Variants in MYO1D observed in about 807,000 individuals in gnomAD.
MYO1D encodes myosin ID.
A neutral mutation model predicts 122.0 loss-of-function variants in MYO1D; 83 were observed. That is an observed-to-expected ratio of 0.68 (90% CI 0.57 to 0.82). The LOEUF (loss-of-function observed/expected upper bound fraction) is 0.82. Among genes scored for constraint, MYO1D ranks in the 40% least tolerant of loss-of-function variants. The pLI, the probability that MYO1D is intolerant of heterozygous loss-of-function variation, is 0.00. For synonymous variants in MYO1D, 464 were observed against 446.9 expected, an observed-to-expected ratio of 1.04 and a Z score of -0.48; for missense variants, 1,157 against 1,269.5, an observed-to-expected ratio of 0.91 and a Z score of 1.35.
At chr17:32,780,070 T>C (rs1463487293) in intron 2 of MYO1D, among the ~76,000 whole-genome samples, 1 of 152,084 alleles carries the variant, frequency 6.6e-6, no homozygotes, top group African/African-American at 2.4e-5. Flanking sequence ...GTGAGGTGTG[T>C]ACCCTATCTC....
chr17:32,821,442 C>T (rs905526685), intron 1 of MYO1D, among the ~76,000 whole-genome samples: 20 of 151,876 alleles, frequency 1.3e-4, no homozygotes, highest in Non-Finnish European at 2.9e-4. Flanking sequence ...TTAGGAATTA[C>T]AAATAAGGAT....
intron 16 of MYO1D, among the ~76,000 whole-genome samples, chr17:32,663,139 G>A (rs1459453895): frequency 2.6e-5 from 4 of 151,988 alleles, no homozygotes; most frequent in Admixed American, 6.5e-5. Flanking sequence ...GGATGGTCTC[G>A]ATCTCCTGAC....
intron 4 of MYO1D, among the ~76,000 whole-genome samples, chr17:32,775,236 G>A (rs2090160803): frequency 6.6e-6 from 1 of 152,152 alleles, no homozygotes; most frequent in Admixed American, 6.5e-5. Context: ...GGGGGGTTGA[G>A]GCTGCAGTGA....
chr17:32,542,364 CAT>C (rs1910860468), intron 21 of MYO1D, among the ~76,000 whole-genome samples: 1 of 152,218 alleles, frequency 6.6e-6, no homozygotes, highest in African/African-American at 2.4e-5. Flanking sequence ...ATCTTAAATG[CAT>C]ATGTGTGCAG....
chr17:32,500,902 G>A (rs1005037395), intron 21 of MYO1D, among the ~76,000 whole-genome samples: 15 of 152,002 alleles, frequency 9.9e-5, no homozygotes, highest in Middle Eastern at 3.2e-3. Flanking sequence ...CCAGCTACTC[G>A]GGAGGCTGAG....
At chr17:32,674,426 A>C (rs2088774008) in intron 16 of MYO1D, among the ~76,000 whole-genome samples, 1 of 152,200 alleles carries the variant, frequency 6.6e-6, no homozygotes, top group South Asian at 2.1e-4. Context: ...TTTGATTTTC[A>C]TCTGATGACT....
intron 1 of MYO1D, among the ~76,000 whole-genome samples, chr17:32,823,696 A>C (rs1351438343): frequency 6.6e-6 from 1 of 152,186 alleles, no homozygotes; most frequent in African/African-American, 2.4e-5. Flanking sequence ...GAAAAAACCT[A>C]ATTTTAGATG....
At chr17:32,763,658 G>A (rs561240484) in intron 8 of MYO1D, among the ~76,000 whole-genome samples, 2 of 152,234 alleles carry the variant, frequency 1.3e-5, no homozygotes, top group Admixed American at 6.5e-5. Flanking sequence ...GGTGGCTCAC[G>A]CCTGTAATCC....
chr17:32,640,946 A>T (rs2088190616), intron 19 of MYO1D, among the ~76,000 whole-genome samples: 1 of 151,800 alleles, frequency 6.6e-6, no homozygotes, highest in South Asian at 2.1e-4. Flanking sequence ...ATAGATTTTT[A>T]AAATTATACT....
intron 1 of MYO1D, among the ~76,000 whole-genome samples, chr17:32,809,600 G>A (rs760187830): frequency 5.3e-5 from 8 of 151,904 alleles, no homozygotes; most frequent in Non-Finnish European, 1.0e-4. Context: ...CACTATGCCT[G>A]GCTGATTTTT....
At position 32,494,907 on chromosome 17, in the gene MYO1D, C is replaced by T. The variant is rs750988061; in HGVS notation, c.2873G>A (p.Arg958His). ...VLVNHFKSEK[R>H]HLQVNVTNPV... ...GTTGGTGACGTTCACTTGAAGGTGG[C>T]GCTTCTCACTGCAGGAACCAAAAAC... The change falls in exon 22 of 22, where the codon CGC becomes CAC. Residue 958 changes from arginine to histidine, a missense_variant. Coordinates refer to ENST00000318217, the MANE Select transcript of MYO1D (RefSeq NM_015194.3). 3.8e-6 allele frequency: 6 copies of T among 1,598,454 alleles called. No homozygotes were observed. The highest frequency in any genetic ancestry group is 2.3e-5 in the East Asian group (1 of 43,956).
At chr17:32,773,329 T>C (rs2090138882) in intron 4 of MYO1D, among the ~76,000 whole-genome samples, 2 of 152,194 alleles carry the variant, frequency 1.3e-5, no homozygotes, top group Non-Finnish European at 2.9e-5. Context: ...GTTTTATCTG[T>C]GAACACAAAA....
chr17:32,688,033 C>G (rs1000599488), intron 16 of MYO1D, among the ~76,000 whole-genome samples: 1 of 152,074 alleles, frequency 6.6e-6, no homozygotes, highest in South Asian at 2.1e-4. Flanking sequence ...CAGAATCCAC[C>G]GGGAATTTCT....
chr17:32,836,116 A>G (rs1377231785), intron 1 of MYO1D, among the ~76,000 whole-genome samples: 6 of 152,128 alleles, frequency 3.9e-5, no homozygotes, highest in Non-Finnish European at 8.8e-5. Flanking sequence ...TGTGTTTTAC[A>G]CTCCTCCAAC....
intron 3 of MYO1D, 115 bp downstream of exon 3, chr17:32,778,365 C>G (rs1424306873): frequency 2.5e-6 from 2 of 798,892 alleles, no homozygotes; most frequent in South Asian, 4.4e-5. Flanking sequence ...TCAAAAAATG[C>G]TCAGCCCATA....
Position 32,765,024 on chromosome 17 carries a change from C to G in MYO1D, c.889G>C (p.Val297Leu), listed in dbSNP as rs1209249894. ...GAGAGCAATTCTGCTATGATAGATA[C>G]TACTTTGCCATTCTCAATAAGAGGC... is the stretch of plus-strand genomic sequence containing the variant. Reference protein sequence around the residue: ...DTPLIENGKVVSIIAELLSTK... With the variant: ...DTPLIENGKVLSIIAELLSTK... Residue 297 changes from valine (V) to leucine (L), a missense_variant, in exon 8 of 22, where the codon GTA (valine) becomes CTA (leucine). By Grantham distance (32) the Val-to-Leu change is conservative. Transcript: ENST00000318217. 6.2e-7 allele frequency: 1 copy of G among 1,614,008 alleles called. No individual in the cohort carries two copies.
At chr17:32,870,486 T>G (rs2091168896) in intron 1 of MYO1D, among the ~76,000 whole-genome samples, 1 of 151,398 alleles carries the variant, frequency 6.6e-6, no homozygotes. Flanking sequence ...ACAGGGGTGG[T>G]GTGGTGAGTA....
chr17:32,552,789 A>G (rs2087030132), intron 21 of MYO1D, among the ~76,000 whole-genome samples: 1 of 152,226 alleles, frequency 6.6e-6, no homozygotes, highest in African/African-American at 2.4e-5. Context: ...ATAGTAAGCG[A>G]AACCACAGAA....
intron 16 of MYO1D, among the ~76,000 whole-genome samples, chr17:32,709,459 T>A (rs1211966649): frequency 2.6e-5 from 4 of 152,078 alleles, no homozygotes; most frequent in Non-Finnish European, 5.9e-5. Flanking sequence ...ACTCCAGGAC[T>A]TGAAGACAGA....
Sources: gnomAD v4.1 joint callset for allele counts (sites outside exome capture counted in the v4.1 genomes callset) on GRCh38, gnomAD v4.1.1 for gene constraint, MANE v1.5 for transcripts, NCBI Gene and HGNC (gene_info 2026-07-23, HGNC 2026-07-21) for gene names.